The following PKIB variants were observed in gnomAD, a reference collection of about 807,000 sequenced individuals.
PKIB encodes cAMP-dependent protein kinase inhibitor beta, also known as PKI-beta.
PKIB carries 2 observed loss-of-function variants against 4.5 expected under a neutral mutation model. That is an observed-to-expected ratio of 0.44 (90% CI 0.18 to 1.39). The LOEUF is 1.39. Ranked by LOEUF, PKIB falls within the 40% of genes most tolerant of loss-of-function variation. The pLI is 0.27. For missense variants in PKIB, 94 were observed against 92.6 expected, an observed-to-expected ratio of 1.02 and a Z score of -0.06; for synonymous variants, 38 against 36.0, an observed-to-expected ratio of 1.06 and a Z score of -0.20.
upstream of PKIB, among the ~76,000 whole-genome samples, chr6:122,608,062 G>A (rs994501313): frequency 4.6e-5 from 7 of 151,976 alleles, no homozygotes; most frequent in Admixed American, 1.3e-4. Context: ...TTCGTTCTAC[G>A]TCAGCCAACC....
intron 1 of PKIB, among the ~76,000 whole-genome samples, chr6:122,632,794 G>A (rs2114824015): frequency 6.6e-6 from 1 of 152,242 alleles, no homozygotes; most frequent in East Asian, 1.9e-4. Flanking sequence ...AACGGTTGCA[G>A]GGATATATTG....
At chr6:122,621,949 A>G (rs1775247093) in intron 1 of PKIB, among the ~76,000 whole-genome samples, 2 of 151,960 alleles carry the variant, frequency 1.3e-5, no homozygotes, top group South Asian at 4.1e-4. Context: ...AGATGGATTG[A>G]CTCGGTGGTT....
intron 3 of PKIB, among the ~76,000 whole-genome samples, chr6:122,592,434 T>G (rs1020575871): frequency 2.0e-5 from 3 of 152,190 alleles, no homozygotes; most frequent in Admixed American, 2.0e-4. Context: ...CTGAAAAATT[T>G]TGGTCTTTAA....
chr6:122,704,401 T>G (rs2115036664), intron 3 of PKIB, among the ~76,000 whole-genome samples: 1 of 152,206 alleles, frequency 6.6e-6, no homozygotes, highest in Non-Finnish European at 1.5e-5. Context: ...ATTAGCAAAC[T>G]TCTTAACAGC....
Position 122,505,965 on chromosome 6 carries a change from T to G in PKIB, c.-248+28026T>G, listed in dbSNP as rs572226206. Among the ~76,000 whole-genome samples the G allele has an allele frequency of 2.0e-5, 3 of 152,258 alleles. No individual in the cohort carries two copies. The South Asian group carries it at 6.2e-4, about 32-fold the overall frequency. On this transcript the variant is annotated intron_variant, in intron 2 of 6. Transcript: ENST00000392491. ...TTATTGACATATTTTGTAGTTTGAA[T>G]AGAGGAGTGTAAAGTAATTCCAGCA...
At chr6:122,697,070 A>G (rs1055857660) in intron 3 of PKIB, among the ~76,000 whole-genome samples, 2 of 152,176 alleles carry the variant, frequency 1.3e-5, no homozygotes, top group Non-Finnish European at 2.9e-5. Context: ...CAGGAGTTGC[A>G]CTCAAGAGCA....
chr6:122,490,028 A>G (rs1373518413), intron 2 of PKIB, among the ~76,000 whole-genome samples: 2 of 152,194 alleles, frequency 1.3e-5, no homozygotes, highest in Non-Finnish European at 2.9e-5. Context: ...TATAAAATGG[A>G]GTCTGGGAGT....
rs904347669 is a variant in PKIB, at chr6:122,545,873, G to C, written c.-247-40048G>C. Among the ~76,000 whole-genome samples the C allele has an allele frequency of 2.6e-5, 4 of 151,262 alleles. 1 individual carries two copies. The highest frequency in any genetic ancestry group is 9.7e-5 in the African/African-American group (4 of 41,052). ...AAGTCAAGCAGAGAGGTGAATATAT[G>C]GTAGAAAGCAATATGGCTGGTATTT... On this transcript the variant is annotated intron_variant, in intron 2 of 6. Transcript: ENST00000392491.
At position 122,537,786 on chromosome 6, in the gene PKIB, T is replaced by C. The variant is rs566870145; in HGVS notation, c.-247-48135T>C. On this transcript the variant is annotated intron_variant, in intron 2 of 6. Transcript: ENST00000392491. ...CCACAATGGTTGAACTAGTTTTCAGTCCCACCAACAGTGTAAAAGTGTTCC... is the reference window on the plus strand; with the variant it reads ...CCACAATGGTTGAACTAGTTTTCAGCCCCACCAACAGTGTAAAAGTGTTCC... 1.4e-3 allele frequency among the ~76,000 whole-genome samples: 217 copies of C among 152,200 alleles called. 1 individual carries two copies. The highest frequency in any genetic ancestry group is 5.0e-3 in the African/African-American group (207 of 41,470).
intron 2 of PKIB, among the ~76,000 whole-genome samples, chr6:122,568,578 A>G (rs1773260772): frequency 6.6e-6 from 1 of 152,250 alleles, no homozygotes; most frequent in Non-Finnish European, 1.5e-5. Context: ...CCCAGTCTTC[A>G]GTGTGAACCC....
intron 1 of PKIB, among the ~76,000 whole-genome samples, chr6:122,613,328 T>C (rs1431479047): frequency 6.6e-6 from 1 of 152,214 alleles, no homozygotes; most frequent in Non-Finnish European, 1.5e-5. Flanking sequence ...TTGTGAACTA[T>C]ATGTCTTGTG....
intron 2 of PKIB, among the ~76,000 whole-genome samples, chr6:122,533,205 T>C (rs1777310700): frequency 6.6e-6 from 1 of 152,014 alleles, no homozygotes; most frequent in South Asian, 2.1e-4. Context: ...AGTCTTGGTC[T>C]GTCGCCCAGA....
intron 2 of PKIB, among the ~76,000 whole-genome samples, chr6:122,539,387 A>G (rs1777515797): frequency 6.6e-6 from 1 of 152,076 alleles, no homozygotes; most frequent in Admixed American, 6.5e-5. Context: ...AGTTTTTAGC[A>G]TGAAGCATTG....
intron 2 of PKIB, among the ~76,000 whole-genome samples, chr6:122,639,829 C>T (rs1315681232): frequency 1.3e-5 from 2 of 152,242 alleles, no homozygotes; most frequent in Middle Eastern, 3.4e-3. Context: ...GTTGATTGGT[C>T]ATAAGTGGGA....
At chr6:122,655,503 A>C (rs1018355312) in intron 2 of PKIB, among the ~76,000 whole-genome samples, 1 of 152,150 alleles carries the variant, frequency 6.6e-6, no homozygotes, top group Non-Finnish European at 1.5e-5. Flanking sequence ...CCCTCACCAG[A>C]GACTGAATCT....
At chr6:122,679,876 T>C (rs1231003719) in intron 3 of PKIB, among the ~76,000 whole-genome samples, 1 of 152,186 alleles carries the variant, frequency 6.6e-6, no homozygotes, top group African/African-American at 2.4e-5. Context: ...AAGTGGAAGC[T>C]GAGGCTTCGA....
intron 2 of PKIB, among the ~76,000 whole-genome samples, chr6:122,658,320 A>G (rs893005856): frequency 2.6e-5 from 4 of 152,188 alleles, no homozygotes; most frequent in Non-Finnish European, 5.9e-5. Context: ...AATGATTTTT[A>G]CTAAGTGATG....
intron 2 of PKIB, among the ~76,000 whole-genome samples, chr6:122,540,818 G>A (rs1777572583): frequency 6.6e-6 from 1 of 151,754 alleles, no homozygotes; most frequent in African/African-American, 2.4e-5. Context: ...GGGAGTCTAA[G>A]TCTCTTTGTA....
intron 2 of PKIB, among the ~76,000 whole-genome samples, chr6:122,543,057 C>G (rs1582688027): frequency 6.6e-6 from 1 of 152,072 alleles, no homozygotes; most frequent in Non-Finnish European, 1.5e-5. Context: ...ATTTTTTAAG[C>G]CCGTTGGAAA....
Sources: allele counts gnomAD v4.1 joint callset (sites outside exome capture counted in the v4.1 genomes callset), GRCh38; gene constraint gnomAD v4.1.1; transcripts MANE v1.5; gene names NCBI Gene and HGNC (gene_info 2026-07-23, HGNC 2026-07-21).